TTC27: variants seen among roughly 807,000 people sequenced by gnomAD.
TTC27 encodes the protein tetratricopeptide repeat domain 27, also known as tetratricopeptide repeat protein 27.
TTC27 carries 79 observed loss-of-function variants against 115.9 expected under a neutral mutation model. That is an observed-to-expected ratio of 0.68 (90% CI 0.57 to 0.82). The LOEUF is 0.82. Among genes scored for constraint, TTC27 ranks in the 40% least tolerant of loss-of-function variants. TTC27 has a pLI of 0.00. For synonymous variants in TTC27, 401 were observed against 356.0 expected (o/e 1.13, Z -1.42); for missense variants, 1,054 against 993.1 (o/e 1.06, Z -0.82).
chr2:32,665,213 A>G (rs757970655), intron 6 of TTC27, among the ~76,000 whole-genome samples: 2 of 152,094 alleles, frequency 1.3e-5, no homozygotes, highest in Non-Finnish European at 2.9e-5. Context: ...ATGAATAAAT[A>G]TGATTTTGTG....
intron 7 of TTC27, among the ~76,000 whole-genome samples, chr2:32,670,616 T>TC (rs1665978099): frequency 6.6e-6 from 1 of 151,788 alleles, no homozygotes; most frequent in Non-Finnish European, 1.5e-5. Flanking sequence ...TTTTTTTTTT[T>TC]CTCTTCTTTT....
intron 13 of TTC27, among the ~76,000 whole-genome samples, chr2:32,769,053 T>TG (rs1215694213): frequency 3.9e-5 from 6 of 152,150 alleles, no homozygotes; most frequent in African/African-American, 1.4e-4. Context: ...AGCATGCAGA[T>TG]GGGGCTTTTC....
chr2:32,790,714 C>T (rs1319843555), intron 16 of TTC27, among the ~76,000 whole-genome samples: 1 of 152,044 alleles, frequency 6.6e-6, no homozygotes, highest in Admixed American at 6.6e-5. Flanking sequence ...CCATTTCCTC[C>T]CCACCCCACC....
intron 3 of TTC27, among the ~76,000 whole-genome samples, chr2:32,636,456 C>T (rs959523874): frequency 5.3e-5 from 8 of 152,156 alleles, no homozygotes; most frequent in Non-Finnish European, 1.2e-4. Flanking sequence ...TCAGGTGATC[C>T]ACCCGCCTCG....
chr2:32,734,934 G>T (rs1013139419), intron 11 of TTC27, among the ~76,000 whole-genome samples: 1 of 152,098 alleles, frequency 6.6e-6, no homozygotes, highest in Admixed American at 6.5e-5. Flanking sequence ...TGTTTTACAC[G>T]TGAGGAAGCT....
intron 18 of TTC27, among the ~76,000 whole-genome samples, chr2:32,814,177 C>G (rs1205484261): frequency 6.6e-6 from 1 of 152,184 alleles, no homozygotes; most frequent in African/African-American, 2.4e-5. Flanking sequence ...ATTTTCTGAA[C>G]TCACCAAGTA....
chr2:32,666,148 A>G (rs1026709507), intron 6 of TTC27, among the ~76,000 whole-genome samples: 1 of 152,122 alleles, frequency 6.6e-6, no homozygotes, highest in East Asian at 1.9e-4. Flanking sequence ...TATTTCAGAG[A>G]CATAATGAAA....
At chr2:32,672,886 A>T (rs1174147021) in intron 8 of TTC27, among the ~76,000 whole-genome samples, 1 of 152,190 alleles carries the variant, frequency 6.6e-6, no homozygotes, top group Non-Finnish European at 1.5e-5. Context: ...AATTTAGTGT[A>T]TATTTCCAAC....
At chr2:32,662,029 A>T (rs904317443) in intron 5 of TTC27, among the ~76,000 whole-genome samples, 17 of 152,004 alleles carry the variant, frequency 1.1e-4, no homozygotes, top group Admixed American at 1.1e-3. Flanking sequence ...AGATAATCTT[A>T]TGGTTTTTGT....
chr2:32,730,902 A>G (rs1325162246), intron 10 of TTC27, among the ~76,000 whole-genome samples: 1 of 151,940 alleles, frequency 6.6e-6, no homozygotes, highest in Non-Finnish European at 1.5e-5. Flanking sequence ...GATTACAGGC[A>G]TGAGCCATTG....
At position 32,750,049 on chromosome 2, in the gene TTC27, G is replaced by C. The variant is rs530080677; in HGVS notation, c.1453-8243G>C. ...GAGCTGGGGAAATGAAGGTATGGAA[G>C]AGGGAATCAGAAGATCAAGGCAAGA... On this transcript the variant is annotated intron_variant, in intron 12 of 19. Transcript: ENST00000317907. Among the ~76,000 whole-genome samples the C allele has an allele frequency of 3.9e-5, 6 of 152,220 alleles. No homozygotes were observed. In the South Asian group the frequency reaches 1.0e-3, roughly 26 times the overall value.
chr2:32,681,976 ATATATGTGTG>A (rs762990836), intron 9 of TTC27, among the ~76,000 whole-genome samples: 15 of 58,896 alleles, frequency 2.5e-4, no homozygotes, highest in South Asian at 1.0e-3. Context: ...ATATATGTAT[ATATATGTGTG>A]TGTGTGTGTG....
chr2:32,707,918 C>T (rs539217652), intron 10 of TTC27, among the ~76,000 whole-genome samples: 2 of 151,754 alleles, frequency 1.3e-5, no homozygotes, highest in South Asian at 4.2e-4. Context: ...AAATGATGAG[C>T]CTGGAACATC....
At chr2:32,749,842 C>A (rs1051284346) in intron 12 of TTC27, among the ~76,000 whole-genome samples, 6 of 151,930 alleles carry the variant, frequency 3.9e-5, no homozygotes, top group Non-Finnish European at 4.4e-5. Flanking sequence ...TAAGAATCAA[C>A]TGGATAAAAG....
chr2:32,653,877 AAAT>A (rs1341228829), intron 5 of TTC27, among the ~76,000 whole-genome samples: 4 of 152,272 alleles, frequency 2.6e-5, no homozygotes, highest in Admixed American at 2.6e-4. Context: ...TGATTTATTA[AAAT>A]AATAATATAT....
chr2:32,688,050 C>T (rs1666693503), intron 9 of TTC27, among the ~76,000 whole-genome samples: 1 of 152,042 alleles, frequency 6.6e-6, no homozygotes, highest in African/African-American at 2.4e-5. Context: ...AACAAATCTG[C>T]ATAAATGAAG....
rs1233723746 is a variant in TTC27 at position 32,630,643 on chromosome 2, T to A, written c.209T>A (p.Leu70Gln). 1.2e-6 allele frequency: 2 copies of A among 1,613,662 alleles called. No individual in the cohort carries two copies. ...GCTGAAGAAAAGATTGATAGCTACC[T>A]GGAGAAGCAGGTAGTAACATTCCTG... is the stretch of plus-strand genomic sequence containing the variant. ...TTAEEKIDSYLEKQVVTFLDY... is the reference protein window; with the variant it reads ...TTAEEKIDSYQEKQVVTFLDY... The change falls in exon 2 of 20, where the codon CTG (leucine) becomes CAG (glutamine). Residue 70 changes from leucine to glutamine, a missense_variant. By Grantham distance (113) the Leu-to-Gln change is moderately radical. Coordinates refer to ENST00000317907, the MANE Select transcript of TTC27 (RefSeq NM_017735.5).
intron 4 of TTC27, among the ~76,000 whole-genome samples, chr2:32,643,978 T>G (rs1664750303): frequency 6.6e-6 from 1 of 151,720 alleles, no homozygotes; most frequent in African/African-American, 2.4e-5. Context: ...GTCAGGAGTT[T>G]GAGACCAAAC....
intron 3 of TTC27, among the ~76,000 whole-genome samples, chr2:32,638,553 A>G (rs892894442): frequency 6.6e-6 from 1 of 150,686 alleles, no homozygotes. Flanking sequence ...TAATTTTTGT[A>G]TTTTTAGTAG....
Sources: allele counts gnomAD v4.1 joint callset (sites outside exome capture counted in the v4.1 genomes callset), GRCh38; gene constraint gnomAD v4.1.1; transcripts MANE v1.5; gene names NCBI Gene and HGNC (gene_info 2026-07-23, HGNC 2026-07-21).